Variants in ATP2A1 observed in about 807,000 individuals in gnomAD.
The protein encoded by ATP2A1 is sarcoplasmic/endoplasmic reticulum calcium ATPase 1.
ATP2A1 carries 83 observed loss-of-function variants against 109.5 expected under a neutral mutation model. That is an observed-to-expected ratio of 0.76 (90% CI 0.63 to 0.91). The LOEUF (loss-of-function observed/expected upper bound fraction) is 0.91, where lower values mean the gene tolerates loss of function less well. Among genes scored for constraint, ATP2A1 ranks in the 40% least tolerant of loss-of-function variants. The pLI is 0.00. For synonymous variants in ATP2A1, 505 were observed against 537.6 expected, an observed-to-expected ratio of 0.94 and a Z score of 0.84; for missense variants, 1,101 against 1,341.0, an observed-to-expected ratio of 0.82 and a Z score of 2.80.
chr16:28,902,682 AAGGAGGGGACCAGGAGGGTGTGGGGATGC>A lies in ATP2A1; in HGVS notation c.2610+25_2610+53del, dbSNP rs747410997. 6.2e-6 allele frequency: 10 copies of A among 1,613,894 alleles called. No individual in the cohort carries two copies. In the African/African-American group the frequency reaches 1.3e-4, roughly 22 times the overall value. On this transcript the variant is annotated intron_variant, in intron 18 of 22. Transcript: ENST00000395503. The surrounding 1 kb of genome is among the most constrained non-coding windows in gnomAD (Gnocchi z 4.8). ...AGCCAGCTGGTAGGGGGAGGCCACA[AAGGAGGGGACCAGGAGGGTGTGGGGATGC>A]AGGAGGGTACCAGGAGGGTGGCATG...
At position 28,898,250 on chromosome 16, in the gene ATP2A1, C is replaced by T; in HGVS notation, c.1563C>T (p.Val521=). 1 of 1,614,246 alleles carries T rather than the reference C, an allele frequency of 6.2e-7. No individual in the cohort carries two copies. Among genetic ancestry groups the T allele is most frequent in the Non-Finnish European group, 8.5e-7 (1 of 1,180,048 alleles). ...TCTCCTAGGGTGCCCCTGAGGGCGTCATCGACCGCTGTAACTATGTGCGAG... is the reference window on the plus strand; with the variant it reads ...TCTCCTAGGGTGCCCCTGAGGGCGTTATCGACCGCTGTAACTATGTGCGAG... ...KMFVKGAPEG[V]IDRCNYVRVG... is the part of the protein sequence containing the mutation. The change falls in exon 14 of 23, where the codon GTC becomes GTT. Residue 521 remains valine (V), a synonymous_variant. Coordinates refer to ENST00000395503, the MANE Select transcript of ATP2A1 (RefSeq NM_004320.6). The surrounding 1 kb of genome is among the most constrained non-coding windows in gnomAD (Gnocchi z 4.0).
intron 12 of ATP2A1, among the ~76,000 whole-genome samples, chr16:28,895,265 C>G (rs1963885516): frequency 6.6e-6 from 1 of 152,220 alleles, no homozygotes; most frequent in African/African-American, 2.4e-5. Flanking sequence ...TCTGTTATTC[C>G]TTTGTTTCTA....
intron 14 of ATP2A1, among the ~76,000 whole-genome samples, chr16:28,900,225 T>C (rs996602846): frequency 1.3e-5 from 2 of 150,980 alleles, no homozygotes; most frequent in African/African-American, 4.9e-5. Flanking sequence ...CGCTTGAGCC[T>C]GGTAGATTGA....
rs1964111972 is a variant in ATP2A1 at position 28,902,575 on chromosome 16, C to T, written c.2525-5C>T. 6.2e-7 allele frequency: 1 copy of T among 1,613,946 alleles called. No homozygotes were observed. The highest frequency in any genetic ancestry group is 8.5e-7 in the Non-Finnish European group (1 of 1,179,972). On this transcript the variant is annotated splice_polypyrimidine_tract_variant and splice_region_variant and intron_variant, in intron 17 of 22. Transcript: ENST00000395503. The surrounding 1 kb of genome is among the most constrained non-coding windows in gnomAD (Gnocchi z 4.8). ...TGACCCCCGACTCCCCTCTCTCCACCACAGGCTATGTGGGTGCAGCCACCG... is the reference window on the plus strand; with the variant it reads ...TGACCCCCGACTCCCCTCTCTCCACTACAGGCTATGTGGGTGCAGCCACCG...
At position 28,903,527 on chromosome 16, in the gene ATP2A1, A is replaced by G; in HGVS notation, c.2980+87A>G. ...GCCCCCGCCCCGCCCCGTACTTTGC[A>G]GGTGGTAAGTTTCTCAGCCCTGGCA... On this transcript the variant is annotated intron_variant, in intron 21 of 22. Coordinates refer to ENST00000395503, the MANE Select transcript of ATP2A1 (RefSeq NM_004320.6). The surrounding 1 kb of genome is among the most constrained non-coding windows in gnomAD (Gnocchi z 5.6). 8.2e-7 allele frequency: 1 copy of G among 1,226,710 alleles called. No homozygotes were observed. The highest frequency in any genetic ancestry group is 1.1e-6 in the Non-Finnish European group (1 of 874,514). 76.0% of individuals were successfully genotyped at this position (1,226,710 alleles called of 1,614,324 possible). A position where few individuals can be genotyped will look rare whatever the true frequency, so the allele number is the denominator to read the frequency against.
intron 6 of ATP2A1, among the ~76,000 whole-genome samples, chr16:28,885,986 C>A (rs1018161537): frequency 6.6e-6 from 1 of 151,518 alleles, no homozygotes; most frequent in Non-Finnish European, 1.5e-5. Flanking sequence ...GGCAACACAG[C>A]GAGACCCCAT....
intron 5 of ATP2A1, among the ~76,000 whole-genome samples, 199 bp downstream of exon 5, chr16:28,882,788 A>G (rs1251884995): frequency 6.6e-6 from 1 of 152,136 alleles, no homozygotes; most frequent in African/African-American, 2.4e-5. Flanking sequence ...AGGAACAGCC[A>G]GTCCTGTCCC....
chr16:28,881,090 C>A, intron 4 of ATP2A1, 71 bp downstream of exon 4: 1 of 1,429,860 alleles, frequency 7.0e-7, no homozygotes, highest in East Asian at 2.3e-5. Flanking sequence ...CCTCCAGTCT[C>A]CTCCTCCTCC....
At chr16:28,894,068 T>C in intron 9 of ATP2A1, 87 bp from the exon 10 acceptor site, 1 of 1,125,304 alleles carries the variant, frequency 8.9e-7, no homozygotes, top group Non-Finnish European at 1.3e-6. Context: ...AAGGTAGGTG[T>C]TGGCAGTGCA....
In ATP2A1 at chr16:28,887,240, C is replaced by T; in HGVS notation, c.596C>T (p.Ala199Val). 1 of 1,614,052 alleles carries T rather than the reference C, an allele frequency of 6.2e-7. No homozygotes were observed. Among genetic ancestry groups the T allele is most frequent in the South Asian group, 1.1e-5 (1 of 91,060 alleles). ...KHTEPVPDPR[A>V]VNQDKKNMLF... is the part of the protein sequence containing the mutation. ...ACGGAGCCCGTTCCTGACCCCCGAG[C>T]TGTCAACCAGGACAAGAAGAACATG... Residue 199 changes from alanine (A) to valine (V), a missense_variant, in exon 7 of 23, where the codon GCT (alanine) becomes GTT (valine). Ala to Val is a moderately conservative substitution (Grantham distance 64, BLOSUM62 0). Coordinates refer to ENST00000395503, the MANE Select transcript of ATP2A1 (RefSeq NM_004320.6).
At chr16:28,890,933 C>T (rs1374952705) in intron 9 of ATP2A1, among the ~76,000 whole-genome samples, 3 of 151,986 alleles carry the variant, frequency 2.0e-5, no homozygotes, top group Non-Finnish European at 2.9e-5. Context: ...GTGATCTGCC[C>T]ACCTCGGCCT....
intron 12 of ATP2A1, among the ~76,000 whole-genome samples, chr16:28,896,034 C>T (rs1345627570): frequency 6.6e-6 from 1 of 152,060 alleles, no homozygotes; most frequent in African/African-American, 2.4e-5. Context: ...GATCACAGCG[C>T]ACTGCAGCCT....
In ATP2A1 at chr16:28,894,961, T is replaced by C; in HGVS notation, c.1419+8T>C. 6.2e-7 allele frequency: 1 copy of C among 1,610,300 alleles called. No individual in the cohort carries two copies. Among genetic ancestry groups the C allele is most frequent in the Non-Finnish European group, 8.5e-7 (1 of 1,179,952 alleles). On this transcript the variant is annotated splice_region_variant and intron_variant, in intron 12 of 22. Transcript: ENST00000395503. ...GCCAACGCCTGCAACTCGGTGAGCC[T>C]GCGGAGCCCCTGCCACAGGGCCGTC...
At chr16:28,886,015 T>G (rs1302259038) in intron 6 of ATP2A1, among the ~76,000 whole-genome samples, 1 of 151,356 alleles carries the variant, frequency 6.6e-6, no homozygotes, top group African/African-American at 2.4e-5. Context: ...AAAAAAAATT[T>G]TTTTAACTAG....
rs185489254 is a variant in ATP2A1, at chr16:28,883,907, G to T, written c.464-668G>T. Among the ~76,000 whole-genome samples the T allele has an allele frequency of 4.6e-5, 7 of 152,058 alleles. No homozygotes were observed. The East Asian group carries it at 1.4e-3, about 29-fold the overall frequency. On this transcript the variant is annotated intron_variant, in intron 5 of 22. Coordinates refer to ENST00000395503, the MANE Select transcript of ATP2A1 (RefSeq NM_004320.6). The surrounding 1 kb of genome is among the most constrained non-coding windows in gnomAD (Gnocchi z 5.2). ...CGGGCTGTCAGGTTCCCGATATGTG[G>T]TCCTCTCCATGACCACCCTGTGCCC...
intron 14 of ATP2A1, 33 bp from the exon 15 acceptor site, chr16:28,900,548 C>T (rs1964042830): frequency 2.0e-6 from 3 of 1,532,044 alleles, no homozygotes; most frequent in East Asian, 4.5e-5. Context: ...CAGATCCCCA[C>T]CTGACCTGTG....
chr16:28,882,375 C>G (rs1009378529), intron 4 of ATP2A1, 76 bp from the exon 5 acceptor site: 130 of 1,606,684 alleles, frequency 8.1e-5, no homozygotes, highest in Non-Finnish European at 1.1e-4. Context: ...TTTGTTGCCT[C>G]CCCCGTGCCA....
At chr16:28,888,599 C>T (rs1032137800) in intron 8 of ATP2A1, among the ~76,000 whole-genome samples, 188 bp from the exon 9 acceptor site, 8 of 150,768 alleles carry the variant, frequency 5.3e-5, no homozygotes, top group Admixed American at 4.0e-4. Context: ...TCAGAGGAGT[C>T]TCACTGTGTT....
At chr16:28,888,178 G>A (rs1192192433) in intron 8 of ATP2A1, among the ~76,000 whole-genome samples, 2 of 152,014 alleles carry the variant, frequency 1.3e-5, no homozygotes, top group Admixed American at 1.3e-4. Context: ...GATTACAGGT[G>A]CACGCCACCA....
Sources: gnomAD v4.1 joint callset for allele counts (sites outside exome capture counted in the v4.1 genomes callset) on GRCh38, gnomAD v4.1.1 for gene constraint, Gnocchi (gnomAD v3.1) non-coding constraint, MANE v1.5 for transcripts, NCBI Gene and HGNC (gene_info 2026-07-23, HGNC 2026-07-21) for gene names.